PACRG: variants seen among roughly 807,000 people sequenced by gnomAD.
PACRG encodes parkin coregulated gene protein.
In PACRG, 29 loss-of-function variants were observed where a neutral mutation model predicts 29.7. The ratio of observed to expected loss-of-function variants is 0.98; its 90% CI spans 0.73 to 1.33. PACRG has a LOEUF of 1.33. Among genes scored for constraint, PACRG ranks in the 40% most tolerant of loss-of-function variants. The pLI is 0.00. For synonymous variants in PACRG, 116 were observed against 118.7 expected, an observed-to-expected ratio of 0.98 and a Z score of 0.15; for missense variants, 279 against 316.2, an observed-to-expected ratio of 0.88 and a Z score of 0.89.
chr6:163,266,982 G>T (rs574719883), intron 4 of PACRG, among the ~76,000 whole-genome samples: 1 of 152,324 alleles, frequency 6.6e-6, no homozygotes, highest in African/African-American at 2.4e-5. Context: ...ACAGGAAGCT[G>T]CGTGCCCAGA....
intron 2 of PACRG, among the ~76,000 whole-genome samples, chr6:163,003,893 G>T (rs1804799925): frequency 6.6e-6 from 1 of 152,106 alleles, no homozygotes; most frequent in African/African-American, 2.4e-5. Flanking sequence ...ATCTTCCCCA[G>T]CTAAAAAGAG....
intron 4 of PACRG, among the ~76,000 whole-genome samples, chr6:163,160,711 C>T (rs968136259): frequency 1.3e-5 from 2 of 152,112 alleles, no homozygotes; most frequent in Non-Finnish European, 2.9e-5. Flanking sequence ...CTCAGTTTTC[C>T]TTCCAATTTT....
chr6:163,023,619 C>T (rs55893293), intron 2 of PACRG, among the ~76,000 whole-genome samples: 2 of 152,044 alleles, frequency 1.3e-5, no homozygotes, highest in Non-Finnish European at 2.9e-5. Flanking sequence ...GTCAAATGAT[C>T]GCTCTGCTTT....
chr6:162,768,417 G>C (rs1014853317), intron 1 of PACRG, among the ~76,000 whole-genome samples: 8 of 151,642 alleles, frequency 5.3e-5, no homozygotes, highest in African/African-American at 1.9e-4. Flanking sequence ...GTTTTGCTTT[G>C]ATCTCTTGGC....
upstream of PACRG, chr6:162,727,621 G>T: frequency 6.4e-7 from 1 of 1,571,736 alleles, no homozygotes; most frequent in South Asian, 1.2e-5. Flanking sequence ...CCGGGGCGTG[G>T]GGCGGCGCAG....
chr6:163,236,007 G>A (rs1202020531), intron 4 of PACRG, among the ~76,000 whole-genome samples: 1 of 151,914 alleles, frequency 6.6e-6, no homozygotes, highest in Non-Finnish European at 1.5e-5. Flanking sequence ...TCTTCCAAAG[G>A]TTACTTGTTA....
At chr6:162,989,722 C>CTTTTTTTTTTTTTTTTTTTTT (rs66497763) in intron 2 of PACRG, among the ~76,000 whole-genome samples, 1 of 142,042 alleles carries the variant, frequency 7.0e-6, no homozygotes, top group Non-Finnish European at 1.5e-5. Context: ...TCAGTACTTC[C>CTTTTTTTTTTTTTTTTTTTTT]TTTTTTTTTT....
chr6:162,773,141 A>G (rs4709650), intron 1 of PACRG, among the ~76,000 whole-genome samples: 11,213 of 152,176 alleles, frequency 0.074, 593 homozygotes, highest in East Asian at 0.3. Context: ...ACTAGAGATA[A>G]TAGGAATACT....
intron 1 of PACRG, among the ~76,000 whole-genome samples, chr6:162,809,809 A>G (rs933924875): frequency 3.9e-5 from 6 of 152,174 alleles, no homozygotes; most frequent in African/African-American, 1.4e-4. Flanking sequence ...GTGGATGATT[A>G]GCAAACAAAA....
chr6:163,101,015 A>C (rs2128313824), intron 4 of PACRG: 1 of 983,508 alleles, frequency 1.0e-6, no homozygotes, highest in Admixed American at 6.1e-5. Context: ...TTTTGCTCTT[A>C]AGTACAGTAC....
chr6:162,897,080 T>C (rs1425797820), intron 2 of PACRG, among the ~76,000 whole-genome samples: 1 of 152,218 alleles, frequency 6.6e-6, no homozygotes, highest in Non-Finnish European at 1.5e-5. Context: ...AACTTGTTAA[T>C]GAGTGTCAGC....
chr6:163,244,485 G>T (rs1039725919), intron 4 of PACRG, among the ~76,000 whole-genome samples: 2 of 152,124 alleles, frequency 1.3e-5, no homozygotes, highest in African/African-American at 4.8e-5. Flanking sequence ...ATGGGAATAA[G>T]CTGCCTCCCT....
intron 2 of PACRG, among the ~76,000 whole-genome samples, chr6:162,839,979 C>G (rs1220779095): frequency 7.7e-6 from 1 of 129,930 alleles, no homozygotes; most frequent in Non-Finnish European, 1.6e-5. Context: ...CAGTACCATG[C>G]TGTTTTGGTT....
intron 4 of PACRG, among the ~76,000 whole-genome samples, chr6:163,148,738 G>T (rs2128337315): frequency 6.6e-6 from 1 of 152,140 alleles, no homozygotes; most frequent in South Asian, 2.1e-4. Flanking sequence ...TGCATGAGAT[G>T]GAGCATGCGA....
At chr6:163,133,701 C>A (rs1301426749) in intron 4 of PACRG, among the ~76,000 whole-genome samples, 2 of 152,194 alleles carry the variant, frequency 1.3e-5, no homozygotes, top group African/African-American at 2.4e-5. Flanking sequence ...AAATGTGGAG[C>A]TCTTGATTCA....
intron 2 of PACRG, among the ~76,000 whole-genome samples, chr6:162,962,049 G>A (rs1445442443): frequency 1.3e-5 from 2 of 152,082 alleles, no homozygotes; most frequent in South Asian, 4.1e-4. Context: ...TCTCTAGTGT[G>A]TGTGATGAAA....
In PACRG at chr6:163,038,850, A is replaced by G. The variant is rs117743910; in HGVS notation, c.292-23300A>G. The stretch of plus-strand genomic sequence containing the variant: ...CAAAGGCATATCCTATGGGAATAGG[A>G]AACACATAGAACACAGTTACATGAC... On this transcript the variant is annotated intron_variant, in intron 2 of 4. Transcript: ENST00000366888. Among the ~76,000 whole-genome samples, 1,163 of 152,356 alleles carry G rather than the reference A, an allele frequency of 7.6e-3. 11 individuals carry two copies. Among genetic ancestry groups the G allele is most frequent in the South Asian group, 0.016 (76 of 4,828 alleles).
chr6:163,076,326 C>T (rs1032413223), intron 3 of PACRG, among the ~76,000 whole-genome samples: 1 of 152,194 alleles, frequency 6.6e-6, no homozygotes, highest in Admixed American at 6.5e-5. Context: ...GCAGAGCTTA[C>T]ATGCAAATTT....
chr6:162,914,799 A>G (rs1269506176), intron 2 of PACRG, among the ~76,000 whole-genome samples: 2 of 151,760 alleles, frequency 1.3e-5, no homozygotes, highest in Non-Finnish European at 2.9e-5. Context: ...CTATTTTATA[A>G]CTTGACATTA....
Sources: allele counts gnomAD v4.1 joint callset (sites outside exome capture counted in the v4.1 genomes callset), GRCh38; gene constraint gnomAD v4.1.1; transcripts MANE v1.5; gene names NCBI Gene and HGNC (gene_info 2026-07-23, HGNC 2026-07-21).